The following CLCC1 variants were observed in gnomAD, a reference collection of about 807,000 sequenced individuals.
CLCC1 encodes chloride channel CLIC like 1, also known as chloride channel CLIC-like protein 1.
A neutral mutation model predicts 63.3 loss-of-function variants in CLCC1; 39 were observed. The ratio of observed to expected loss-of-function variants is 0.62; its 90% CI spans 0.48 to 0.81. The LOEUF is 0.81. Among genes scored for constraint, CLCC1 ranks in the 30% least tolerant of loss-of-function variants. The pLI is 0.00. For missense variants in CLCC1, 549 were observed against 669.4 expected, an observed-to-expected ratio of 0.82 and a Z score of 1.98; for synonymous variants, 217 against 239.8, an observed-to-expected ratio of 0.90 and a Z score of 0.88.
chr1:108,943,783 G>T, intron 6 of CLCC1, 53 bp downstream of exon 6: 1 of 1,493,702 alleles, frequency 6.7e-7, no homozygotes, highest in Non-Finnish European at 9.2e-7. Flanking sequence ...AGTTTGGAAA[G>T]TATTTTAAAA....
intron 11 of CLCC1, among the ~76,000 whole-genome samples, chr1:108,936,162 G>A (rs1056710345): frequency 7.3e-6 from 1 of 137,528 alleles, no homozygotes; most frequent in Non-Finnish European, 1.5e-5. Flanking sequence ...GCACGATCTC[G>A]GCTCACTGCA....
chr1:108,941,869 G>C (rs1653896007), intron 7 of CLCC1, among the ~76,000 whole-genome samples: 1 of 151,992 alleles, frequency 6.6e-6, no homozygotes. Flanking sequence ...GGCCAGGCTG[G>C]TCTTGAACTC....
chr1:108,952,370 A>G (rs1335657222), intron 2 of CLCC1, among the ~76,000 whole-genome samples: 2 of 150,796 alleles, frequency 1.3e-5, no homozygotes. Context: ...TAGAGATGGG[A>G]TTTCTCCATG....
At chr1:108,948,344 G>C (rs1654798116) in intron 4 of CLCC1, among the ~76,000 whole-genome samples, 1 of 152,212 alleles carries the variant, frequency 6.6e-6, no homozygotes, top group East Asian at 1.9e-4. Flanking sequence ...CTACACGGGA[G>C]CAGACTTCCT....
chr1:108,941,662 T>C (rs1653863587), intron 7 of CLCC1, among the ~76,000 whole-genome samples, 164 bp from the exon 8 acceptor site: 1 of 152,154 alleles, frequency 6.6e-6, no homozygotes, highest in Admixed American at 6.5e-5. Flanking sequence ...ATTTTTTCTC[T>C]TTTTTTCCTG....
intron 7 of CLCC1, among the ~76,000 whole-genome samples, chr1:108,941,819 A>G (rs976873171): frequency 1.3e-5 from 2 of 151,892 alleles, no homozygotes; most frequent in Admixed American, 1.3e-4. Context: ...ACGCCCAGCT[A>G]ATTTTTGTAT....
At chr1:108,941,659 C>G (rs917634769) in intron 7 of CLCC1, among the ~76,000 whole-genome samples, 161 bp from the exon 8 acceptor site, 5 of 151,966 alleles carry the variant, frequency 3.3e-5, no homozygotes, top group Non-Finnish European at 7.4e-5. Flanking sequence ...ACTATTTTTT[C>G]TCTTTTTTTC....
At chr1:108,943,419 T>G in intron 7 of CLCC1, 56 bp downstream of exon 7, 1 of 1,562,650 alleles carries the variant, frequency 6.4e-7, no homozygotes, top group Admixed American at 1.7e-5. Flanking sequence ...GATTAGAGTC[T>G]TCTTTCATTG....
At chr1:108,936,333 G>A (rs1365122774) in intron 11 of CLCC1, among the ~76,000 whole-genome samples, 1 of 152,160 alleles carries the variant, frequency 6.6e-6, no homozygotes, top group Admixed American at 6.5e-5. Flanking sequence ...CAGACCTCCA[G>A]TGATCCGCCT....
chr1:108,963,365 G>C lies in CLCC1; in HGVS notation c.-177C>G. On this transcript the variant is annotated 5_prime_UTR_variant, in exon 1 of 13. Coordinates refer to ENST00000369969, the MANE Select transcript of CLCC1 (RefSeq NM_001377458.1). ...CACCCAACTGCACGGACTCACGTCC[G>C]GGATCCCCTGCCTGCCTCTCGAGGA... 2 of 701,904 alleles carry C rather than the reference G, an allele frequency of 2.8e-6. No homozygotes were observed. Among genetic ancestry groups the C allele is most frequent in the Non-Finnish European group, 5.2e-6 (2 of 384,518 alleles). 43.5% of individuals were successfully genotyped at this position (701,904 alleles called of 1,614,324 possible).
chr1:108,954,108 T>C (rs1324149257), intron 2 of CLCC1, among the ~76,000 whole-genome samples: 1 of 150,522 alleles, frequency 6.6e-6, no homozygotes, highest in African/African-American at 2.5e-5. Context: ...TCTTAAGTGC[T>C]CAAGATGGGA....
chr1:108,939,925 G>T, intron 9 of CLCC1, 120 bp downstream of exon 9: 2 of 1,268,940 alleles, frequency 1.6e-6, no homozygotes, highest in Non-Finnish European at 1.1e-6. Flanking sequence ...AAATCACTGT[G>T]CAAAAGTATT....
intron 11 of CLCC1, among the ~76,000 whole-genome samples, chr1:108,935,867 G>A (rs1652851136): frequency 6.6e-6 from 1 of 152,140 alleles, no homozygotes; most frequent in South Asian, 2.1e-4. Context: ...CAAGTTCAAG[G>A]AACAGTCAGG....
At position 108,931,069 on chromosome 1, in the gene CLCC1, T is replaced by C. The variant is rs967947306; in HGVS notation, c.*1478A>G. On this transcript the variant is annotated 3_prime_UTR_variant, in exon 13 of 13. Transcript: ENST00000369969. ...CCTGTCTCTAGAAAACAAGTATCTTTTGTGTGTTTTGGGCTGTTTAAAAAA... is the reference window on the plus strand; with the variant it reads ...CCTGTCTCTAGAAAACAAGTATCTTCTGTGTGTTTTGGGCTGTTTAAAAAA... 3 of 269,998 alleles carry C rather than the reference T, an allele frequency of 1.1e-5. No homozygotes were observed. The highest frequency in any genetic ancestry group is 2.1e-5 in the Non-Finnish European group (3 of 141,562). 16.7% of individuals were successfully genotyped at this position (269,998 alleles called of 1,614,324 possible).
In CLCC1 at chr1:108,934,802, A is replaced by G. The variant is rs753785882; in HGVS notation, c.1524T>C (p.Gly508=). The G allele has an allele frequency of 6.2e-7, 1 of 1,614,106 alleles. No individual in the cohort carries two copies. Residue 508 remains glycine, a synonymous_variant, in exon 12 of 13, where the codon GGT becomes GGC. Coordinates refer to ENST00000369969, the MANE Select transcript of CLCC1 (RefSeq NM_001377458.1). ...SGQDTSGNTE[G]SPAAEKAQLK... ...GCTGGGCCTTTTCCGCTGCGGGTGA[A>G]CCTTCTGTATTCCCTGATGTGTCTT...
At position 108,950,423 on chromosome 1, in the gene CLCC1, C is replaced by G. The variant is rs1655038868; in HGVS notation, c.15G>C (p.Leu5Phe). 6.2e-7 allele frequency: 1 copy of G among 1,607,624 alleles called. No homozygotes were observed. The highest frequency in any genetic ancestry group is 1.3e-5 in the African/African-American group (1 of 74,706). Residue 5 changes from leucine (L) to phenylalanine (F), a missense_variant, in exon 3 of 13, where the codon TTG becomes TTC. Coordinates refer to ENST00000369969, the MANE Select transcript of CLCC1 (RefSeq NM_001377458.1). MLCS[L>F]LLCECLLLVA... ...CCAGCAACAGACATTCACAAAGGAG[C>G]AAAGAACACAGCATCCTGTATAAGG... is the stretch of plus-strand genomic sequence containing the variant.
At position 108,937,256 on chromosome 1, in the gene CLCC1, C is replaced by A; in HGVS notation, c.1204G>T (p.Gly402Cys). 1 of 1,614,146 alleles carries A rather than the reference C, an allele frequency of 6.2e-7. No individual in the cohort carries two copies. Among genetic ancestry groups the A allele is most frequent in the Non-Finnish European group, 8.5e-7 (1 of 1,180,004 alleles). ...CCTTGCTCAGTGGGGCCCATTTGGCCCCTATAATGGAAATCGGCATCACCT... is the reference window on the plus strand; with the variant it reads ...CCTTGCTCAGTGGGGCCCATTTGGCACCTATAATGGAAATCGGCATCACCT... Reference protein sequence around the residue: ...GAGDADFHYRGQMGPTEQGPY... With the variant: ...GAGDADFHYRCQMGPTEQGPY... Residue 402 changes from glycine (G) to cysteine (C), a missense_variant, in exon 11 of 13, where the codon GGC becomes TGC. Gly to Cys is a radical substitution (Grantham distance 159, BLOSUM62 -3). Coordinates refer to ENST00000369969, the MANE Select transcript of CLCC1 (RefSeq NM_001377458.1).
rs1476391645 is a variant in CLCC1, at chr1:108,962,844, C to G, written c.-172-375G>C. 1.4e-4 allele frequency among the ~76,000 whole-genome samples: 20 copies of G among 146,474 alleles called. 1 individual carries two copies. The highest frequency in any genetic ancestry group is 2.1e-4 in the Admixed American group (3 of 14,430). On this transcript the variant is annotated intron_variant, in intron 1 of 12. Transcript: ENST00000369969. ...GGAGATAGCACCACCGCACTCCAGC[C>G]TGGGTGACACAGCAAGACTCCGTCT...
Position 108,943,841 on chromosome 1 carries a change from A to T in CLCC1, c.556T>A (p.Leu186Ile), listed in dbSNP as rs955167766. Residue 186 changes from leucine (L) to isoleucine (I), a missense_variant, in exon 6 of 13, where the codon TTA becomes ATA. Physicochemically the swap from Leu to Ile is conservative, Grantham distance 5. Coordinates refer to ENST00000369969, the MANE Select transcript of CLCC1 (RefSeq NM_001377458.1). ...DSFGVDPYNV[L>I]MVLLCLLCIV... Reference sequence around the variant, plus strand: ...TTGCCCTCATCCCATCTTACCATTAACACATTATATGGATCCACTCCAAAG... The same window carrying T: ...TTGCCCTCATCCCATCTTACCATTATCACATTATATGGATCCACTCCAAAG... 1.2e-6 allele frequency: 2 copies of T among 1,609,500 alleles called. No homozygotes were observed. The highest frequency in any genetic ancestry group is 2.7e-5 in the African/African-American group (2 of 74,772).
Sources: gnomAD v4.1 joint callset for allele counts (sites outside exome capture counted in the v4.1 genomes callset) on GRCh38, gnomAD v4.1.1 for gene constraint, MANE v1.5 for transcripts, NCBI Gene and HGNC (gene_info 2026-07-23, HGNC 2026-07-21) for gene names.